The following ANTXRL variants were observed in gnomAD, a reference collection of about 807,000 sequenced individuals.
The protein encoded by ANTXRL is anthrax toxin receptor-like.
A neutral mutation model predicts 75.4 loss-of-function variants in ANTXRL; 63 were observed. The ratio of observed to expected loss-of-function variants is 0.84; its 90% CI spans 0.68 to 1.03. ANTXRL has a LOEUF of 1.03. Among genes scored for constraint, ANTXRL ranks in the 50% least tolerant of loss-of-function variants. ANTXRL has a pLI of 0.00. For synonymous variants in ANTXRL, 335 were observed against 291.3 expected, an observed-to-expected ratio of 1.15 and a Z score of -1.53; for missense variants, 797 against 789.4, an observed-to-expected ratio of 1.01 and a Z score of -0.12.
At chr10:46,324,388 G>T (rs946024994) in intron 16 of ANTXRL, among the ~76,000 whole-genome samples, 1 of 152,138 alleles carries the variant, frequency 6.6e-6, no homozygotes, top group Non-Finnish European at 1.5e-5. Flanking sequence ...GGTACGTTAG[G>T]TAATAAAGTA....
chr10:46,287,945 C>T (rs1836831788), intron 1 of ANTXRL, among the ~76,000 whole-genome samples: 1 of 152,092 alleles, frequency 6.6e-6, no homozygotes, highest in Non-Finnish European at 1.5e-5. Flanking sequence ...GCTTTGTTGC[C>T]TGTGTTGGGC....
intron 3 of ANTXRL, among the ~76,000 whole-genome samples, chr10:46,294,974 C>T (rs1448322517): frequency 8.5e-5 from 13 of 152,168 alleles, no homozygotes; most frequent in Admixed American, 2.6e-4. Flanking sequence ...CCTAAGTCCC[C>T]AGCCTGTCCC....
At position 46,329,954 on chromosome 10, in the gene ANTXRL, C is replaced by G. The variant is rs1354663767; in HGVS notation, c.1766C>G (p.Ser589Cys). 1.3e-6 allele frequency: 2 copies of G among 1,535,700 alleles called. No individual in the cohort carries two copies. The highest frequency in any genetic ancestry group is 8.7e-7 in the Non-Finnish European group (1 of 1,146,746). ...PSRECLPLTC[S>C]SRCRLPPARC... ...CGGGAGTGCCTCCCCCTCACCTGCT[C>G]CTCCAGGTGCCGCCTCCCCCCAGCT... is the stretch of plus-strand genomic sequence containing the variant. The change falls in exon 17 of 17, where the codon TCC (serine) becomes TGC (cysteine). Residue 589 changes from serine to cysteine, a missense_variant. By Grantham distance (112) the Ser-to-Cys change is moderately radical. This residue lies in a region of ANTXRL where 479 missense variants were observed against 422.0 expected (regional missense o/e 1.14). Transcript: ENST00000620264.
Position 46,296,266 on chromosome 10 carries a change from G to T in ANTXRL, c.508+14G>T, listed in dbSNP as rs540748190. The T allele has an allele frequency of 3.9e-6, 6 of 1,535,544 alleles. No homozygotes were observed. The Admixed American group carries it at 7.8e-5, about 20-fold the overall frequency. On this transcript the variant is annotated intron_variant, in intron 5 of 16. Coordinates refer to ENST00000620264, the MANE Select transcript of ANTXRL (RefSeq NM_001278688.3). ...TCAACTCCGGAAGTAAGCACCTGCC[G>T]TCCCCCTGGTGGTCCTGTAGGGGGA...
rs782719956 is a variant in ANTXRL at position 46,297,507 on chromosome 10, C to T, written c.654+33C>T. 41 of 1,531,544 alleles carry T rather than the reference C, an allele frequency of 2.7e-5. 1 individual carries two copies. In the South Asian group the frequency reaches 2.7e-4, roughly 10 times the overall value. The allele number at this position is 1,531,544 out of a possible 1,614,324, so 94.9% of individuals were successfully genotyped here. On this transcript the variant is annotated intron_variant, in intron 7 of 16. Coordinates refer to ENST00000620264, the MANE Select transcript of ANTXRL (RefSeq NM_001278688.3). ...CAAGCAGGTAACCAGGCGCCACTTTCAAGCCTAGTGGTCACTTTCGAGCCA... is the reference window on the plus strand; with the variant it reads ...CAAGCAGGTAACCAGGCGCCACTTTTAAGCCTAGTGGTCACTTTCGAGCCA...
At chr10:46,295,914 T>A (rs12761422) in intron 3 of ANTXRL, 105 bp from the exon 4 acceptor site, 2 of 922,040 alleles carry the variant, frequency 2.2e-6, no homozygotes, top group African/African-American at 1.6e-5. Flanking sequence ...CCCTCCTTCA[T>A]CCAGGAGGAC....
chr10:46,307,585 T>C, intron 12 of ANTXRL, 105 bp downstream of exon 12: 1 of 1,126,494 alleles, frequency 8.9e-7, no homozygotes, highest in Non-Finnish European at 1.3e-6. Flanking sequence ...TCCCAGAAAG[T>C]AGCGTGTGCA....
At chr10:46,314,660 A>G (rs1328037883) in intron 16 of ANTXRL, among the ~76,000 whole-genome samples, 9 of 152,074 alleles carry the variant, frequency 5.9e-5, no homozygotes, top group Non-Finnish European at 1.2e-4. Context: ...GGGGCAGAGT[A>G]ATTGCATTAC....
chr10:46,317,185 C>A (rs1348767883), intron 16 of ANTXRL, among the ~76,000 whole-genome samples: 1 of 152,032 alleles, frequency 6.6e-6, no homozygotes, highest in Non-Finnish European at 1.5e-5. Flanking sequence ...TTTGATGATG[C>A]CTTCATGACT....
chr10:46,315,044 AG>A (rs1484666126), intron 16 of ANTXRL, among the ~76,000 whole-genome samples: 101 of 152,320 alleles, frequency 6.6e-4, no homozygotes, highest in African/African-American at 2.3e-3. Context: ...ACAATCTGGC[AG>A]GAGTTCCCCG....
Position 46,287,316 on chromosome 10 carries a change from G to A in ANTXRL, c.54G>A (p.Leu18=), listed in dbSNP as rs1554955459. Residue 18 remains leucine (L), a synonymous_variant, in exon 1 of 17, where the codon CTG becomes CTA. Transcript: ENST00000620264. The part of the protein sequence containing the change: ...GPYFLVFLLL[L]LLPPPLFRAG... ...ACTTCCTGGTCTTCCTGCTGCTGCTGCTGCTTCCTCCACCGCTTTTTAGAG... is the reference window on the plus strand; with the variant it reads ...ACTTCCTGGTCTTCCTGCTGCTGCTACTGCTTCCTCCACCGCTTTTTAGAG... 1.4e-5 allele frequency: 21 copies of A among 1,535,964 alleles called. No individual in the cohort carries two copies. Among genetic ancestry groups the A allele is most frequent in the Non-Finnish European group, 1.6e-5 (18 of 1,146,746 alleles).
At chr10:46,308,367 A>G in intron 12 of ANTXRL, 2 of 415,052 alleles carry the variant, frequency 4.8e-6, no homozygotes, top group South Asian at 3.5e-5. Flanking sequence ...CCTCTCCTTC[A>G]GCCAGCCGGG....
At chr10:46,315,910 C>G (rs2132856400) in intron 16 of ANTXRL, among the ~76,000 whole-genome samples, 1 of 152,216 alleles carries the variant, frequency 6.6e-6, no homozygotes, top group South Asian at 2.1e-4. Flanking sequence ...GAGTGTGTCT[C>G]CCTGCTCCAT....
In ANTXRL at chr10:46,328,298, G is replaced by A. The variant is rs1839325106; in HGVS notation, c.1411-1301G>A. 2.0e-5 allele frequency among the ~76,000 whole-genome samples: 3 copies of A among 152,134 alleles called. No individual in the cohort carries two copies. In the South Asian group the frequency reaches 6.2e-4, roughly 32 times the overall value. On this transcript the variant is annotated intron_variant, in intron 16 of 16. Coordinates refer to ENST00000620264, the MANE Select transcript of ANTXRL (RefSeq NM_001278688.3). The stretch of plus-strand genomic sequence containing the variant: ...AGCCTATACAAATTGAGAAATGGGA[G>A]AGCTGAGCAGCTCTGAGAAAGATTG...
intron 1 of ANTXRL, among the ~76,000 whole-genome samples, chr10:46,291,152 TC>T (rs1836965257): frequency 2.0e-5 from 3 of 152,172 alleles, no homozygotes; most frequent in African/African-American, 7.2e-5. Flanking sequence ...CACATAGACA[TC>T]CAATTTTCCC....
At chr10:46,320,267 T>C (rs567692848) in intron 16 of ANTXRL, among the ~76,000 whole-genome samples, 3 of 152,308 alleles carry the variant, frequency 2.0e-5, no homozygotes, top group African/African-American at 7.2e-5. Context: ...ACCCACTGTA[T>C]GAAATTTAGA....
intron 3 of ANTXRL, among the ~76,000 whole-genome samples, chr10:46,294,273 C>T (rs1837234038): frequency 6.6e-6 from 1 of 152,156 alleles, no homozygotes; most frequent in Non-Finnish European, 1.5e-5. Flanking sequence ...CTGCTCTGTG[C>T]CTGTTCCCCC....
chr10:46,307,887 T>C (rs1236766022), intron 12 of ANTXRL, among the ~76,000 whole-genome samples: 1 of 152,106 alleles, frequency 6.6e-6, no homozygotes, highest in Non-Finnish European at 1.5e-5. Context: ...TCCTCCTTGC[T>C]CAGGCCCCTG....
chr10:46,299,435 C>T (rs1335833894), intron 9 of ANTXRL, among the ~76,000 whole-genome samples: 1 of 152,106 alleles, frequency 6.6e-6, no homozygotes, highest in Admixed American at 6.5e-5. Flanking sequence ...TCTGTGATGC[C>T]TCTGTCTGTC....
Sources: allele counts gnomAD v4.1 joint callset (sites outside exome capture counted in the v4.1 genomes callset), GRCh38; gene constraint gnomAD v4.1.1; regional missense constraint gnomAD v4.1.1; transcripts MANE v1.5; gene names NCBI Gene and HGNC (gene_info 2026-07-23, HGNC 2026-07-21).